Variants in EIF3E observed in about 807,000 individuals in gnomAD.
The protein encoded by EIF3E is eIF-3 p48.
Under a neutral mutation model 59.3 loss-of-function variants are expected in EIF3E, and 25 were observed. The ratio of observed to expected loss-of-function variants is 0.42; its 90% CI spans 0.31 to 0.59. The LOEUF (loss-of-function observed/expected upper bound fraction) is 0.59. Ranked by LOEUF, EIF3E falls within the 20% of genes least tolerant of loss-of-function variation. The pLI, the probability that EIF3E is intolerant of heterozygous loss-of-function variation, is 0.15. For missense variants in EIF3E, 317 were observed against 534.3 expected, an observed-to-expected ratio of 0.59 and a Z score of 4.01; for synonymous variants, 176 against 170.2, an observed-to-expected ratio of 1.03 and a Z score of -0.26.
At chr8:108,228,978 T>C in intron 6 of EIF3E, 92 bp downstream of exon 6, 1 of 1,319,860 alleles carries the variant, frequency 7.6e-7, no homozygotes, top group Non-Finnish European at 9.9e-7. Flanking sequence ...TTTTTTTTTT[T>C]AATTCCCAAA....
intron 1 of EIF3E, chr8:108,242,154 C>A: frequency 1.4e-6 from 2 of 1,381,758 alleles, no homozygotes; most frequent in Non-Finnish European, 1.9e-6. Context: ...GACATTCCCA[C>A]CTACTTCTGA....
At chr8:108,206,628 G>A (rs1317182900) in intron 10 of EIF3E, among the ~76,000 whole-genome samples, 10 of 109,546 alleles carry the variant, frequency 9.1e-5, no homozygotes, top group African/African-American at 2.1e-4. Flanking sequence ...TGGCATGGTC[G>A]CACAGACACA....
chr8:108,214,349 CA>C, intron 10 of EIF3E, among the ~76,000 whole-genome samples: 1 of 152,200 alleles, frequency 6.6e-6, no homozygotes, highest in Non-Finnish European at 1.5e-5. Flanking sequence ...ATTTACTCTT[CA>C]ATAAGGTAAC....
intron 10 of EIF3E, among the ~76,000 whole-genome samples, chr8:108,208,586 CTGTT>C (rs139351615): frequency 0.032 from 4,897 of 152,112 alleles, 122 homozygotes; most frequent in Non-Finnish European, 0.043. Context: ...GCCTTTGAAA[CTGTT>C]TGTCTCCATA....
At chr8:108,245,495 A>G (rs1815930848) in intron 1 of EIF3E, among the ~76,000 whole-genome samples, 2 of 152,160 alleles carry the variant, frequency 1.3e-5, no homozygotes, top group South Asian at 4.1e-4. Context: ...AGGAGTACTC[A>G]CTCTGTCCCA....
At chr8:108,206,352 G>T (rs772978999) in intron 10 of EIF3E, among the ~76,000 whole-genome samples, 2 of 151,992 alleles carry the variant, frequency 1.3e-5, no homozygotes, top group Non-Finnish European at 2.9e-5. Flanking sequence ...AAAGAAAAAA[G>T]AAAAAGTGGA....
chr8:108,248,574 C>G, intron 1 of EIF3E, 39 bp downstream of exon 1: 1 of 1,605,530 alleles, frequency 6.2e-7, no homozygotes. Context: ...AGCACCTCAT[C>G]CGCCCCCACG....
chr8:108,236,975 T>C (rs377364212), intron 3 of EIF3E, among the ~76,000 whole-genome samples: 6 of 151,840 alleles, frequency 4.0e-5, no homozygotes, highest in East Asian at 3.9e-4. Context: ...TGAACAGAGA[T>C]GGCACCACTG....
At chr8:108,203,808 A>C (rs552995133) in intron 10 of EIF3E, among the ~76,000 whole-genome samples, 4 of 152,062 alleles carry the variant, frequency 2.6e-5, no homozygotes, top group Non-Finnish European at 4.4e-5. Context: ...GGTGCTCAAG[A>C]AGTAATGATC....
At chr8:108,242,473 G>A (rs1033315698) in intron 1 of EIF3E, 44 of 1,278,076 alleles carry the variant, frequency 3.4e-5, no homozygotes, top group Middle Eastern at 2.2e-4. Context: ...ACAACAACAT[G>A]AAGTGTACTG....
At chr8:108,221,607 G>C (rs35403776) in intron 7 of EIF3E, 2 of 152,030 alleles carry the variant, frequency 1.3e-5, no homozygotes, top group Non-Finnish European at 2.9e-5. Context: ...ATAAGCACTG[G>C]TAATAAAATA....
intron 7 of EIF3E, among the ~76,000 whole-genome samples, chr8:108,226,894 T>C (rs1048176301): frequency 1.3e-5 from 2 of 152,234 alleles, no homozygotes; most frequent in South Asian, 2.1e-4. Flanking sequence ...CAGCCAAGTA[T>C]ATAGTATTTC....
In EIF3E at chr8:108,217,354, G is replaced by C; in HGVS notation, c.829C>G (p.Leu277Val). ...TTTACCTGTTGAATAACTTTAACTAGATCTTTTAGAACCTGCCGACGTTTT... is the reference window on the plus strand; with the variant it reads ...TTTACCTGTTGAATAACTTTAACTACATCTTTTAGAACCTGCCGACGTTTT... ...VRKRRQVLKD[L>V]VKVIQQESYT... The change falls in exon 8 of 13, where the codon CTA becomes GTA. Residue 277 changes from leucine (L) to valine (V), a missense_variant. Physicochemically the swap from Leu to Val is conservative, Grantham distance 32. Coordinates refer to ENST00000220849, the MANE Select transcript of EIF3E (RefSeq NM_001568.3). The C allele has an allele frequency of 1.3e-6, 2 of 1,561,258 alleles. No homozygotes were observed. Among genetic ancestry groups the C allele is most frequent in the Non-Finnish European group, 1.7e-6 (2 of 1,152,838 alleles).
At chr8:108,232,577 A>G (rs563650904) in intron 5 of EIF3E, among the ~76,000 whole-genome samples, 1 of 152,352 alleles carries the variant, frequency 6.6e-6, no homozygotes. Flanking sequence ...TGTCACTTGT[A>G]GAAATTTTCA....
chr8:108,233,331 A>T (rs1815658342), intron 5 of EIF3E: 1 of 152,212 alleles, frequency 6.6e-6, no homozygotes, highest in Non-Finnish European at 1.5e-5. Context: ...CTGAATCAGT[A>T]ATACTAATCT....
chr8:108,240,945 A>C (rs1354623395), intron 2 of EIF3E, among the ~76,000 whole-genome samples: 1 of 151,672 alleles, frequency 6.6e-6, no homozygotes, highest in Non-Finnish European at 1.5e-5. Context: ...GCACCACTGC[A>C]CTCCAGCCCG....
intron 2 of EIF3E, among the ~76,000 whole-genome samples, chr8:108,241,324 T>C (rs1210837541): frequency 6.6e-6 from 1 of 151,980 alleles, no homozygotes. Context: ...ATTAAGTAGG[T>C]CTGGTGTGTG....
intron 1 of EIF3E, among the ~76,000 whole-genome samples, chr8:108,247,933 G>A (rs909184156): frequency 7.0e-6 from 1 of 141,962 alleles, no homozygotes. Flanking sequence ...ATCTTGAGTA[G>A]ATAATTGAAT....
chr8:108,228,505 G>T, intron 6 of EIF3E, 114 bp from the exon 7 acceptor site: 1 of 783,214 alleles, frequency 1.3e-6, no homozygotes, highest in Non-Finnish European at 1.8e-6. Context: ...TCTAAGGCAT[G>T]CACGGAGGTC....
Sources: gnomAD v4.1 joint callset for allele counts (sites outside exome capture counted in the v4.1 genomes callset) on GRCh38, gnomAD v4.1.1 for gene constraint, MANE v1.5 for transcripts, NCBI Gene and HGNC (gene_info 2026-07-23, HGNC 2026-07-21) for gene names.